The following DPF2 variants were observed in gnomAD, a reference collection of about 807,000 sequenced individuals.
DPF2 encodes zinc finger protein ubi-d4.
DPF2 carries 10 observed loss-of-function variants against 59.6 expected under a neutral mutation model. The ratio of observed to expected loss-of-function variants is 0.17; its 90% CI spans 0.10 to 0.28. The LOEUF is 0.28. Among genes scored for constraint, DPF2 ranks in the 10% least tolerant of loss-of-function variants. The pLI, the probability that DPF2 is intolerant of heterozygous loss-of-function variation, is 1.00. For missense variants in DPF2, 315 were observed against 509.4 expected (o/e 0.62, Z 3.67); for synonymous variants, 189 against 190.6 (o/e 0.99, Z 0.07).
Position 65,346,250 on chromosome 11 carries a change from A to G in DPF2, c.908A>G (p.His303Arg), listed in dbSNP as rs751250323. 1 of 1,613,888 alleles carries G rather than the reference A, an allele frequency of 6.2e-7. No individual in the cohort carries two copies. The highest frequency in any genetic ancestry group is 1.3e-5 in the African/African-American group (1 of 74,966). The change falls in exon 9 of 11, where the codon CAT becomes CGT. Residue 303 changes from histidine (H) to arginine (R), a missense_variant. Physicochemically the swap from His to Arg is conservative, Grantham distance 29. Around this residue, in one of 4 missense-constraint regions of DPF2, gnomAD observed 27 missense variants for 125.8 expected, o/e 0.21. Transcript: ENST00000528416. The stretch of plus-strand genomic sequence containing the variant: ...TCACTCACTTCCCCCACTACAGGGC[A>G]TCCATCTTGCCTCCAATTTACCCCC... ...VSCSDCGRSG[H>R]PSCLQFTPVM...
In DPF2 at chr11:65,352,977, C is replaced by T. The variant is rs1168843472; in HGVS notation, c.*1218C>T. On this transcript the variant is annotated 3_prime_UTR_variant, in exon 11 of 11. Transcript: ENST00000528416. ...ATTAGTAAAAATAAATGTTTTTACA[C>T]AGAGCCCTCTGCTGGATGGTTTATC... is the stretch of plus-strand genomic sequence containing the variant. The T allele has an allele frequency of 6.6e-6, 1 of 151,820 alleles. No individual in the cohort carries two copies. Among genetic ancestry groups the T allele is most frequent in the Non-Finnish European group, 1.5e-5 (1 of 67,980 alleles). 9.4% of individuals were successfully genotyped at this position (151,820 alleles called of 1,614,324 possible).
rs1447691996 is a variant in DPF2, at chr11:65,341,445, C to T, written c.348C>T (p.Gly116=). Residue 116 remains glycine, a synonymous_variant, in exon 4 of 11, where the codon GGC becomes GGT. Coordinates refer to ENST00000528416, the MANE Select transcript of DPF2 (RefSeq NM_006268.5). Reference sequence around the variant, plus strand: ...AGGAGGGGCTGATCTCTCAGGATGGCAGTAGTTTAGAGGCTCTGTTGCGCA... The same window carrying T: ...AGGAGGGGCTGATCTCTCAGGATGGTAGTAGTTTAGAGGCTCTGTTGCGCA... ...LKKEGLISQD[G]SSLEALLRTD... is the part of the protein sequence containing the mutation. The T allele has an allele frequency of 1.3e-5, 21 of 1,614,208 alleles. No homozygotes were observed. Among genetic ancestry groups the T allele is most frequent in the Non-Finnish European group, 1.8e-5 (21 of 1,180,042 alleles).
intron 6 of DPF2, 150 bp downstream of exon 6, chr11:65,344,219 C>A: frequency 1.3e-6 from 1 of 750,782 alleles, no homozygotes; most frequent in Non-Finnish European, 2.2e-6. Flanking sequence ...TCTGAGACCC[C>A]TGGGAGGCCT....
At chr11:65,347,272 C>CT in intron 9 of DPF2, 1 of 152,278 alleles carries the variant, frequency 6.6e-6, no homozygotes, top group East Asian at 1.9e-4. Context: ...CCTCAGCCTC[C>CT]CAAAGTGCTG....
At chr11:65,342,582 T>C (rs139931446) in intron 4 of DPF2, among the ~76,000 whole-genome samples, 2 of 152,314 alleles carry the variant, frequency 1.3e-5, no homozygotes, top group East Asian at 1.9e-4. Context: ...TAAGAATACA[T>C]GTAAAAATAA....
chr11:65,351,366 A>C (rs1854692554), intron 10 of DPF2, among the ~76,000 whole-genome samples: 1 of 152,208 alleles, frequency 6.6e-6, no homozygotes, highest in Non-Finnish European at 1.5e-5. Context: ...GGTGCTTGAC[A>C]AACTTCTGTC....
rs369661687 is a variant in DPF2, at chr11:65,342,951, G to A, written c.466-794G>A. On this transcript the variant is annotated intron_variant, in intron 4 of 10. Coordinates refer to ENST00000528416, the MANE Select transcript of DPF2 (RefSeq NM_006268.5). The stretch of plus-strand genomic sequence containing the variant: ...AGAGCTTGCAGTGAGCCGAGATTGC[G>A]CCACTGCACTCCAGCCTAGGTGACA... 6.2e-5 allele frequency among the ~76,000 whole-genome samples: 9 copies of A among 145,762 alleles called. No individual in the cohort carries two copies. In the South Asian group the frequency reaches 8.7e-4, roughly 14 times the overall value.
chr11:65,338,922 G>T (rs4647568), intron 1 of DPF2, among the ~76,000 whole-genome samples: 2 of 152,094 alleles, frequency 1.3e-5, no homozygotes, highest in East Asian at 1.9e-4. Context: ...ATATGTCAAA[G>T]CTCATTTGGT....
intron 1 of DPF2, among the ~76,000 whole-genome samples, chr11:65,334,200 G>A (rs561034968): frequency 6.4e-4 from 98 of 152,316 alleles, no homozygotes; most frequent in Admixed American, 3.6e-3. Context: ...CCAGAGCATG[G>A]CGCCCTGCCT....
chr11:65,351,879 G>C lies in DPF2; in HGVS notation c.*120G>C. 1 of 1,194,864 alleles carries C rather than the reference G, an allele frequency of 8.4e-7. No homozygotes were observed. The highest frequency in any genetic ancestry group is 1.2e-6 in the Non-Finnish European group (1 of 842,616). The allele number at this position is 1,194,864 out of a possible 1,614,324, so 74.0% of individuals were successfully genotyped here. On this transcript the variant is annotated 3_prime_UTR_variant, in exon 11 of 11. Coordinates refer to ENST00000528416, the MANE Select transcript of DPF2 (RefSeq NM_006268.5). ...CACAAATCCAGAGAACCTTGGGGTG[G>C]TTGTGCCAGCCTGCCTTTGGCAGCT...
At chr11:65,344,450 T>C (rs1362042600) in intron 6 of DPF2, 2 of 836,884 alleles carry the variant, frequency 2.4e-6, no homozygotes, top group Non-Finnish European at 3.7e-6. Context: ...GCCCCACTTC[T>C]GTCCCTCCAC....
chr11:65,335,353 A>G (rs187932330), intron 1 of DPF2, among the ~76,000 whole-genome samples: 1 of 152,290 alleles, frequency 6.6e-6, no homozygotes, highest in East Asian at 1.9e-4. Context: ...GGTTTCTCCA[A>G]AAATAAAAAG....
Position 65,345,663 on chromosome 11 carries a change from C to T in DPF2, c.638-3C>T. The T allele has an allele frequency of 6.2e-7, 1 of 1,614,116 alleles. No individual in the cohort carries two copies. Among genetic ancestry groups the T allele is most frequent in the Non-Finnish European group, 8.5e-7 (1 of 1,180,022 alleles). On this transcript the variant is annotated splice_polypyrimidine_tract_variant and splice_region_variant and intron_variant, in intron 6 of 10. Coordinates refer to ENST00000528416, the MANE Select transcript of DPF2 (RefSeq NM_006268.5). ...CTTTCTCTGCAATCTTCTTCCCACTCAGTTTGTGGAAAACGTTACAAGAAC... is the reference window on the plus strand; with the variant it reads ...CTTTCTCTGCAATCTTCTTCCCACTTAGTTTGTGGAAAACGTTACAAGAAC...
chr11:65,352,100 C>T lies in DPF2; in HGVS notation c.*341C>T, dbSNP rs1854715838. ...TGTCCTCCTAGAAAGAGTGGGAGAG[C>T]AGCTCACTTCTCTGTGTTCTGCCTC... On this transcript the variant is annotated 3_prime_UTR_variant, in exon 11 of 11. Coordinates refer to ENST00000528416, the MANE Select transcript of DPF2 (RefSeq NM_006268.5). 6.9e-6 allele frequency: 2 copies of T among 288,166 alleles called. No individual in the cohort carries two copies. Among genetic ancestry groups the T allele is most frequent in the South Asian group, 9.2e-5 (2 of 21,622 alleles). 17.9% of individuals were successfully genotyped at this position (288,166 alleles called of 1,614,324 possible). A position where few individuals can be genotyped will look rare whatever the true frequency, so the allele number is the denominator to read the frequency against.
Position 65,351,805 on chromosome 11 carries a change from C to T in DPF2, c.*46C>T. On this transcript the variant is annotated 3_prime_UTR_variant, in exon 11 of 11. Transcript: ENST00000528416. ...CCGACATATCTAAGGCTGTTTCTCTCCTCCACTTCATATTTCATACCCATC... is the reference window on the plus strand; with the variant it reads ...CCGACATATCTAAGGCTGTTTCTCTTCTCCACTTCATATTTCATACCCATC... 1 of 1,571,186 alleles carries T rather than the reference C, an allele frequency of 6.4e-7. No individual in the cohort carries two copies. Among genetic ancestry groups the T allele is most frequent in the South Asian group, 1.1e-5 (1 of 90,150 alleles).
chr11:65,341,037 G>A lies in DPF2; in HGVS notation c.265G>A (p.Glu89Lys). The change falls in exon 3 of 11, where the codon GAG (glutamate) becomes AAG (lysine). Residue 89 changes from glutamate (E) to lysine (K), a missense_variant. Physicochemically the swap from Glu to Lys is moderately conservative, Grantham distance 56 (BLOSUM62 1). Around this residue, in one of 4 missense-constraint regions of DPF2, gnomAD observed 228 missense variants for 275.3 expected, o/e 0.83. Transcript: ENST00000528416. ...GAAAAAGCGGCGAGCCCATCCCCCT[G>A]AGGATCCACGACTTTCCTTCCCATC... is the stretch of plus-strand genomic sequence containing the variant. ...WRKKRRAHPP[E>K]DPRLSFPSIK... 1 of 1,614,098 alleles carries A rather than the reference G, an allele frequency of 6.2e-7. No individual in the cohort carries two copies. The highest frequency in any genetic ancestry group is 8.5e-7 in the Non-Finnish European group (1 of 1,180,032).
Position 65,341,062 on chromosome 11 carries a change from C to T in DPF2, c.290C>T (p.Ser97Phe). Reference sequence around the variant, plus strand: ...GAGGATCCACGACTTTCCTTCCCATCTATTAAGCCAGGTAAGGCACATACT... The same window carrying T: ...GAGGATCCACGACTTTCCTTCCCATTTATTAAGCCAGGTAAGGCACATACT... ...PPEDPRLSFP[S>F]IKPDTDQTLK... The change falls in exon 3 of 11, where the codon TCT becomes TTT. Residue 97 changes from serine (S) to phenylalanine (F), a missense_variant. Physicochemically the swap from Ser to Phe is radical, Grantham distance 155 (BLOSUM62 -2). Around this residue, in one of 4 missense-constraint regions of DPF2, gnomAD observed 228 missense variants for 275.3 expected, o/e 0.83. Coordinates refer to ENST00000528416, the MANE Select transcript of DPF2 (RefSeq NM_006268.5). 1 of 1,614,112 alleles carries T rather than the reference C, an allele frequency of 6.2e-7. No individual in the cohort carries two copies. The highest frequency in any genetic ancestry group is 2.2e-5 in the East Asian group (1 of 44,888).
chr11:65,343,582 G>A (rs921015083), intron 4 of DPF2, 163 bp from the exon 5 acceptor site: 8 of 628,106 alleles, frequency 1.3e-5, no homozygotes, highest in Admixed American at 2.8e-5. Flanking sequence ...GAAGGGAGCA[G>A]GAGCAGGATT....
In DPF2 at chr11:65,341,390, T is replaced by C; in HGVS notation, c.302-9T>C. The C allele has an allele frequency of 6.2e-7, 1 of 1,614,170 alleles. No individual in the cohort carries two copies. ...TTTGAGCCTTGCTTTATCCTGACCT[T>C]GCTTGCAGACACAGACCAGACCCTG... is the stretch of plus-strand genomic sequence containing the variant. On this transcript the variant is annotated splice_polypyrimidine_tract_variant and intron_variant, in intron 3 of 10. Transcript: ENST00000528416.
Sources: allele counts gnomAD v4.1 joint callset (sites outside exome capture counted in the v4.1 genomes callset), GRCh38; gene constraint gnomAD v4.1.1; regional missense constraint gnomAD v4.1.1; transcripts MANE v1.5; gene names NCBI Gene and HGNC (gene_info 2026-07-23, HGNC 2026-07-21).